Variants in GIPC1 observed in about 807,000 individuals in gnomAD.
GIPC1 encodes PDZ domain-containing protein GIPC1.
GIPC1 carries 15 observed loss-of-function variants against 28.5 expected under a neutral mutation model. The observed-to-expected ratio is 0.53, with a 90% CI of 0.35 to 0.81. GIPC1 has a LOEUF of 0.81. GIPC1 is among the 30% of genes least tolerant of loss of function. The pLI, the probability that GIPC1 is intolerant of heterozygous loss-of-function variation, is 0.01. For missense variants in GIPC1, 439 were observed against 481.9 expected (o/e 0.91, Z 0.83); for synonymous variants, 224 against 206.1 (o/e 1.09, Z -0.74).
At chr19:14,481,591 G>A (rs574316661) in intron 4 of GIPC1, among the ~76,000 whole-genome samples, 6 of 151,928 alleles carry the variant, frequency 3.9e-5, no homozygotes, top group African/African-American at 1.2e-4. Flanking sequence ...TCTGGTGGCG[G>A]GCGCCTGTAA....
chr19:14,480,725 C>T lies in GIPC1; in HGVS notation c.342G>A (p.Gly114=). Residue 114 remains glycine, a synonymous_variant, in exon 5 of 9, where the codon GGG becomes GGA. Transcript: ENST00000393033. ...TGAAGTCCTCCAGCCCGATCTGGCC[C>T]CCCAGGAGCTTGTCCATGTCCACTT... ...THKVDMDKLL[G]GQIGLEDFIF... is the part of the protein sequence containing the mutation. 1 of 1,614,034 alleles carries T rather than the reference C, an allele frequency of 6.2e-7. No individual in the cohort carries two copies. Among genetic ancestry groups the T allele is most frequent in the Non-Finnish European group, 8.5e-7 (1 of 1,179,864 alleles).
chr19:14,488,437 C>T (rs1021982396), intron 3 of GIPC1, among the ~76,000 whole-genome samples: 14 of 150,966 alleles, frequency 9.3e-5, no homozygotes, highest in Non-Finnish European at 1.6e-4. Context: ...GGTGACAAAC[C>T]GAGACTCCAT....
rs1452021746 is a variant in GIPC1, at chr19:14,478,505, C to A, written c.913G>T (p.Asp305Tyr). The A allele has an allele frequency of 1.2e-6, 2 of 1,613,916 alleles. No individual in the cohort carries two copies. Among genetic ancestry groups the A allele is most frequent in the Non-Finnish European group, 1.7e-6 (2 of 1,179,986 alleles). ...RNPDELAEAL[D>Y]ERLGDFAFPD... Reference sequence around the variant, plus strand: ...AAGGCAAAGTCACCCAGCCGTTCGTCCAGGGCCTCGGCCAGCTCATCCGGG... The same window carrying A: ...AAGGCAAAGTCACCCAGCCGTTCGTACAGGGCCTCGGCCAGCTCATCCGGG... Residue 305 changes from aspartate (D) to tyrosine (Y), a missense_variant, in exon 9 of 9, where the codon GAC (aspartate) becomes TAC (tyrosine). Transcript: ENST00000393033. The surrounding 1 kb of genome is among the most constrained non-coding windows in gnomAD (Gnocchi z 5.2).
At chr19:14,481,499 G>A (rs1189181677) in intron 4 of GIPC1, among the ~76,000 whole-genome samples, 2 of 152,032 alleles carry the variant, frequency 1.3e-5, no homozygotes, top group East Asian at 3.9e-4. Context: ...GAGGTGGGCA[G>A]AACACGAGGT....
At chr19:14,491,501 C>T (rs1441284179) in intron 3 of GIPC1, among the ~76,000 whole-genome samples, 155 bp downstream of exon 3, 2 of 152,162 alleles carry the variant, frequency 1.3e-5, no homozygotes, top group African/African-American at 4.8e-5. Context: ...TCAGGTGATT[C>T]GCCCACCTTG....
At position 14,483,789 on chromosome 19, in the gene GIPC1, A is replaced by ATAATAATAG. The variant is rs1967732559; in HGVS notation, c.-30-784_-30-783insCTATTATTA. Among the ~76,000 whole-genome samples the ATAATAATAG allele has an allele frequency of 2.8e-5, 4 of 143,144 alleles. No individual in the cohort carries two copies. In the South Asian group the frequency reaches 8.7e-4, roughly 31 times the overall value. The allele number at this position is 143,144 out of a possible 152,430, so 93.9% of individuals were successfully genotyped here. A position where few individuals can be genotyped will look rare whatever the true frequency, so the allele number is the denominator to read the frequency against. On this transcript the variant is annotated intron_variant, in intron 3 of 8. Transcript: ENST00000393033. ...AATAATAATAATAATAATAATAATA[A>ATAATAATAG]TAATAATAATACCAGCTAGGATTAT...
At chr19:14,494,105 G>C (rs969398055) in intron 1 of GIPC1, among the ~76,000 whole-genome samples, 3 of 151,910 alleles carry the variant, frequency 2.0e-5, no homozygotes, top group Non-Finnish European at 4.4e-5. Flanking sequence ...GCTTACAGGC[G>C]TGCGCCACCA....
rs2146459091 is a variant in GIPC1, at chr19:14,479,479, G to A, written c.701C>T (p.Pro234Leu). ...RSAGGRPGSG[P>L]QLGTGRGTLR... ...GGTCCCTCGGCCAGTGCCCAGTTGT[G>A]GGCCAGAGCCAGGGCGGCCACCCGC... Residue 234 changes from proline (P) to leucine (L), a missense_variant, in exon 7 of 9, where the codon CCA (proline) becomes CTA (leucine). Coordinates refer to ENST00000393033, the MANE Select transcript of GIPC1 (RefSeq NM_005716.4). 2 of 1,442,116 alleles carry A rather than the reference G, an allele frequency of 1.4e-6. No homozygotes were observed. Among genetic ancestry groups the A allele is most frequent in the East Asian group, 2.9e-5 (1 of 34,530 alleles). The allele number at this position is 1,442,116 out of a possible 1,614,324, so 89.3% of individuals were successfully genotyped here.
chr19:14,479,499 AC>A lies in GIPC1; in HGVS notation c.680del (p.Gly227ValfsTer139). 1 of 1,441,962 alleles carries A rather than the reference AC, an allele frequency of 6.9e-7. No individual in the cohort carries two copies. Among genetic ancestry groups the A allele is most frequent in the Non-Finnish European group, 9.1e-7 (1 of 1,100,738 alleles). 89.3% of individuals were successfully genotyped at this position (1,441,962 alleles called of 1,614,324 possible). On this transcript the variant is annotated frameshift_variant, in exon 7 of 9. Transcript: ENST00000393033. LOFTEE classifies it high-confidence loss of function. The part of the protein sequence containing the change: ...AFDMISQRSA[G>X]GRPGSGPQLG... ...GTTGTGGGCCAGAGCCAGGGCGGCC[AC>A]CCGCTGAACGCTGGCTGATCATGTC...
chr19:14,489,059 G>A (rs896114820), intron 3 of GIPC1, among the ~76,000 whole-genome samples: 1 of 152,034 alleles, frequency 6.6e-6, no homozygotes, highest in South Asian at 2.1e-4. Flanking sequence ...CTGAATAGCT[G>A]AGACTACAGG....
intron 1 of GIPC1, among the ~76,000 whole-genome samples, chr19:14,495,655 TC>T (rs535652967): frequency 1.3e-5 from 2 of 151,388 alleles, no homozygotes; most frequent in Non-Finnish European, 2.9e-5. Context: ...CCTCACTGCG[TC>T]CCCCCCAAGG....
intron 3 of GIPC1, among the ~76,000 whole-genome samples, chr19:14,485,839 C>T (rs62122614): frequency 0.044 from 6,675 of 151,002 alleles, 235 homozygotes; most frequent in Admixed American, 0.097. Flanking sequence ...GGCGCGATCT[C>T]GGCTCACTGC....
At position 14,480,616 on chromosome 19, in the gene GIPC1, C is replaced by T; in HGVS notation, c.451G>A (p.Gly151Arg). The change falls in exon 5 of 9, where the codon GGG becomes AGG. Residue 151 changes from glycine to arginine, a missense_variant. By Grantham distance (125) the Gly-to-Arg change is moderately radical. Transcript: ENST00000393033. ...DALGLTITDN[G>R]AGYAFIKRIK... is the part of the protein sequence containing the mutation. Reference sequence around the variant, plus strand: ...ACCTTGATGAAGGCGTAGCCAGCCCCGTTGTCCGTGATGGTGAGCCCGAGT... The same window carrying T: ...ACCTTGATGAAGGCGTAGCCAGCCCTGTTGTCCGTGATGGTGAGCCCGAGT... 2 of 1,614,174 alleles carry T rather than the reference C, an allele frequency of 1.2e-6. No homozygotes were observed. The highest frequency in any genetic ancestry group is 1.1e-5 in the South Asian group (1 of 91,080).
Position 14,480,651 on chromosome 19 carries a change from G to C in GIPC1, c.416C>G (p.Ser139Trp). The C allele has an allele frequency of 6.2e-7, 1 of 1,614,186 alleles. No homozygotes were observed. Among genetic ancestry groups the C allele is most frequent in the Admixed American group, 1.7e-5 (1 of 60,020 alleles). Residue 139 changes from serine (S) to tryptophan (W), a missense_variant, in exon 5 of 9, where the codon TCG (serine) becomes TGG (tryptophan). Coordinates refer to ENST00000393033, the MANE Select transcript of GIPC1 (RefSeq NM_005716.4). Reference protein sequence around the residue: ...GQRKEVEVFKSEDALGLTITD... With the variant: ...GQRKEVEVFKWEDALGLTITD... ...GATGGTGAGCCCGAGTGCATCCTCC[G>C]ACTTGAACACCTCCACCTCCTTGCG...
At chr19:14,482,503 G>T in intron 4 of GIPC1, 186 bp downstream of exon 4, 1 of 632,208 alleles carries the variant, frequency 1.6e-6, no homozygotes, top group Non-Finnish European at 2.8e-6. Flanking sequence ...ATTCACAGGG[G>T]CACAAGCCTC....
intron 6 of GIPC1, 109 bp downstream of exon 6, chr19:14,480,196 T>C: frequency 2.2e-6 from 2 of 928,822 alleles, no homozygotes; most frequent in Non-Finnish European, 3.4e-6. Flanking sequence ...TGCAACCCCT[T>C]CCCTTTCGGC....
chr19:14,491,323 A>C (rs1366626116), intron 3 of GIPC1, among the ~76,000 whole-genome samples: 3 of 151,392 alleles, frequency 2.0e-5, no homozygotes, highest in South Asian at 2.1e-4. Context: ...CAATGGCGCG[A>C]TCTCGGCTCA....
At chr19:14,495,418 G>A (rs2072055178) in intron 1 of GIPC1, among the ~76,000 whole-genome samples, 1 of 152,086 alleles carries the variant, frequency 6.6e-6, no homozygotes, top group South Asian at 2.1e-4. Flanking sequence ...CTGGACCCTG[G>A]GGCATGAGTT....
chr19:14,495,241 A>G (rs1485062504), intron 1 of GIPC1, among the ~76,000 whole-genome samples: 3 of 140,162 alleles, frequency 2.1e-5, no homozygotes, highest in Admixed American at 7.5e-5. Flanking sequence ...GAGAAGGGAA[A>G]GGAGGGCAGC....
Sources: allele counts gnomAD v4.1 joint callset (sites outside exome capture counted in the v4.1 genomes callset), GRCh38; gene constraint gnomAD v4.1.1; non-coding constraint Gnocchi (gnomAD v3.1); transcripts MANE v1.5; gene names NCBI Gene and HGNC (gene_info 2026-07-23, HGNC 2026-07-21).